The following PDE4D variants were observed in gnomAD, a reference collection of about 807,000 sequenced individuals.
PDE4D encodes 3',5'-cyclic-AMP phosphodiesterase 4D.
PDE4D carries 24 observed loss-of-function variants against 87.4 expected under a neutral mutation model. The ratio of observed to expected loss-of-function variants is 0.27; its 90% confidence interval spans 0.20 to 0.39. The LOEUF is 0.39. Among genes scored for constraint, PDE4D ranks in the 10% least tolerant of loss-of-function variants. The pLI, the probability that PDE4D is intolerant of heterozygous loss-of-function variation, is 1.00. For missense variants in PDE4D, 714 were observed against 1,041.0 expected (o/e 0.69, Z 4.32); for synonymous variants, 384 against 383.2 (o/e 1.00, Z -0.02).
chr5:60,128,506 T>C (rs1779303513), intron 2 of PDE4D, among the ~76,000 whole-genome samples: 1 of 152,092 alleles, frequency 6.6e-6, no homozygotes, highest in South Asian at 2.1e-4. Flanking sequence ...CACATACTGA[T>C]GGGAGAGAAG....
intron 3 of PDE4D, among the ~76,000 whole-genome samples, chr5:59,975,466 T>C (rs1382357165): frequency 6.6e-6 from 1 of 152,240 alleles, no homozygotes; most frequent in African/African-American, 2.4e-5. Flanking sequence ...CTAGAGACCT[T>C]GAATACTTTC....
intron 1 of PDE4D, among the ~76,000 whole-genome samples, chr5:59,625,686 GGTTT>G (rs1830818160): frequency 6.6e-6 from 1 of 152,028 alleles, no homozygotes; most frequent in Admixed American, 6.6e-5. Flanking sequence ...TTAAAATAAA[GGTTT>G]GCTCAAGTGT....
chr5:59,014,550 CAAAGAGAAT>C, intron 6 of PDE4D, among the ~76,000 whole-genome samples: 1 of 152,228 alleles, frequency 6.6e-6, no homozygotes, highest in East Asian at 1.9e-4. Flanking sequence ...ACAATTACTT[CAAAGAGAAT>C]AAAATACCAA....
At chr5:59,488,695 G>A (rs1805619711) in intron 1 of PDE4D, among the ~76,000 whole-genome samples, 1 of 150,528 alleles carries the variant, frequency 6.6e-6, no homozygotes, top group Admixed American at 6.6e-5. Context: ...TTTTTGAGGG[G>A]GGGATCTTCA....
intron 3 of PDE4D, among the ~76,000 whole-genome samples, chr5:59,980,998 T>C (rs1761868097): frequency 6.6e-6 from 1 of 152,194 alleles, no homozygotes; most frequent in African/African-American, 2.4e-5. Context: ...ACGCCTGTAG[T>C]CCCAGCACTT....
At chr5:59,141,541 C>G (rs1333304346) in intron 5 of PDE4D, among the ~76,000 whole-genome samples, 1 of 152,198 alleles carries the variant, frequency 6.6e-6, no homozygotes, top group African/African-American at 2.4e-5. Context: ...AGGTGAGGCT[C>G]CAGGCCTACT....
rs1743844863 is a variant in PDE4D at position 60,216,301 on chromosome 5, AAC to A, written c.-89-30616_-89-30615del. On this transcript the variant is annotated intron_variant, in intron 1 of 16. Transcript: ENST00000502484. ...GTTCTGAGAGCCAGAGACTTTCAAC[AAC>A]CAGCTCACATGAGTCAAGCATTTTT... Among the ~76,000 whole-genome samples the A allele has an allele frequency of 2.0e-5, 3 of 152,072 alleles. No individual in the cohort carries two copies. In the South Asian group the frequency reaches 6.2e-4, roughly 31 times the overall value.
At chr5:59,317,426 GCAGGACAC>G (rs1773956178) in intron 1 of PDE4D, among the ~76,000 whole-genome samples, 1 of 152,032 alleles carries the variant, frequency 6.6e-6, no homozygotes, top group Non-Finnish European at 1.5e-5. Context: ...TAGTAACCAG[GCAGGACAC>G]CAGCAGGCTT....
chr5:59,931,741 G>T (rs183235632), intron 3 of PDE4D, among the ~76,000 whole-genome samples: 2 of 125,868 alleles, frequency 1.6e-5, no homozygotes, highest in East Asian at 2.3e-4. Flanking sequence ...TCACTCTGTC[G>T]CCCAGGCTGG....
At chr5:59,618,409 T>C (rs1047341950) in intron 1 of PDE4D, among the ~76,000 whole-genome samples, 1 of 152,130 alleles carries the variant, frequency 6.6e-6, no homozygotes, top group Non-Finnish European at 1.5e-5. Context: ...CGCCAGAGAA[T>C]TGTGATGAAA....
At position 59,556,296 on chromosome 5, in the gene PDE4D, TTC is replaced by T. The variant is rs1457702822; in HGVS notation, c.455+336870_455+336871del. ...ATTCTATTTACATTTTTTATTCAAA[TTC>T]TCTCTCATTCTCTGTACATTTCTTT... On this transcript the variant is annotated intron_variant, in intron 1 of 14. Coordinates refer to ENST00000340635, the MANE Select transcript of PDE4D (RefSeq NM_001104631.2). Among the ~76,000 whole-genome samples the T allele has an allele frequency of 2.6e-5, 4 of 152,144 alleles. No homozygotes were observed. The East Asian group carries it at 5.8e-4, about 22-fold the overall frequency.
At chr5:59,097,335 A>G (rs1769916665) in intron 5 of PDE4D, among the ~76,000 whole-genome samples, 1 of 152,212 alleles carries the variant, frequency 6.6e-6, no homozygotes, top group South Asian at 2.1e-4. Context: ...CTTCCTGACG[A>G]TAGTTATTGC....
At chr5:59,795,787 T>C (rs1411978489) in intron 1 of PDE4D, among the ~76,000 whole-genome samples, 1 of 152,106 alleles carries the variant, frequency 6.6e-6, no homozygotes, top group African/African-American at 2.4e-5. Context: ...CCCCAGTACC[T>C]CAGAAAGGGA....
intron 2 of PDE4D, among the ~76,000 whole-genome samples, chr5:60,115,909 C>T (rs901654212): frequency 1.3e-5 from 2 of 152,002 alleles, no homozygotes; most frequent in African/African-American, 4.8e-5. Context: ...TAAGATTTTA[C>T]GTGAATGGAG....
chr5:59,945,621 T>G (rs1757651622), intron 3 of PDE4D, among the ~76,000 whole-genome samples: 1 of 152,238 alleles, frequency 6.6e-6, no homozygotes, highest in Non-Finnish European at 1.5e-5. Flanking sequence ...CTTTACTCAA[T>G]TGTTGCTTTA....
chr5:59,847,304 G>A (rs534307238), intron 1 of PDE4D, among the ~76,000 whole-genome samples: 3 of 152,072 alleles, frequency 2.0e-5, no homozygotes, highest in South Asian at 4.2e-4. Context: ...ATGAACCTGC[G>A]GAGTAGGTCA....
intron 1 of PDE4D, among the ~76,000 whole-genome samples, chr5:59,391,751 G>A (rs535536513): frequency 4.6e-5 from 7 of 152,004 alleles, no homozygotes; most frequent in Admixed American, 4.6e-4. Flanking sequence ...CATGATGGCA[G>A]GAGGACTTTT....
At chr5:59,135,698 A>T (rs1776959892) in intron 5 of PDE4D, among the ~76,000 whole-genome samples, 1 of 148,774 alleles carries the variant, frequency 6.7e-6, no homozygotes, top group Non-Finnish European at 1.5e-5. Flanking sequence ...ATACGCCAGC[A>T]CTATGCAGAT....
intron 1 of PDE4D, among the ~76,000 whole-genome samples, chr5:60,387,603 T>C (rs76695264): frequency 0.028 from 4,225 of 152,322 alleles, 94 homozygotes; most frequent in Middle Eastern, 0.078. Flanking sequence ...GCTTTTTCCC[T>C]GGGGACCTTG....
Sources: gnomAD v4.1 joint callset for allele counts (sites outside exome capture counted in the v4.1 genomes callset) on GRCh38, gnomAD v4.1.1 for gene constraint, MANE v1.5 for transcripts, NCBI Gene and HGNC (gene_info 2026-07-23, HGNC 2026-07-21) for gene names.